PRKRA: variants seen among roughly 807,000 people sequenced by gnomAD.
The protein encoded by PRKRA is interferon-inducible double-stranded RNA-dependent protein kinase activator A.
PRKRA carries 22 observed loss-of-function variants against 32.4 expected under a neutral mutation model. That is an observed-to-expected ratio of 0.68 (90% CI 0.49 to 0.97). PRKRA has a LOEUF of 0.97. Among genes scored for constraint, PRKRA ranks in the 50% least tolerant of loss-of-function variants. PRKRA has a pLI of 0.00. For synonymous variants in PRKRA, 139 were observed against 129.8 expected (o/e 1.07, Z -0.48); for missense variants, 319 against 375.6 (o/e 0.85, Z 1.25).
At chr2:178,436,892 T>A (rs986499284) in intron 6 of PRKRA, among the ~76,000 whole-genome samples, 2 of 152,104 alleles carry the variant, frequency 1.3e-5, no homozygotes, top group Non-Finnish European at 2.9e-5. Context: ...CCCAACTGAG[T>A]ATTTTTTTCC....
intron 2 of PRKRA, among the ~76,000 whole-genome samples, chr2:178,448,779 T>C (rs1019621885): frequency 2.0e-5 from 3 of 152,068 alleles, no homozygotes; most frequent in African/African-American, 4.8e-5. Context: ...TAAACGCCAA[T>C]GGATAGAGTT....
At chr2:178,443,601 G>C (rs763803590) in intron 4 of PRKRA, 2 of 464,028 alleles carry the variant, frequency 4.3e-6, no homozygotes, top group South Asian at 2.1e-5. Context: ...TTTGTGCTAC[G>C]AATGGTGTTC....
intron 6 of PRKRA, among the ~76,000 whole-genome samples, chr2:178,437,030 T>TA (rs1045667447): frequency 3.9e-5 from 6 of 152,156 alleles, no homozygotes; most frequent in African/African-American, 1.4e-4. Context: ...ATGCCATTAA[T>TA]AAAAACAACT....
chr2:178,445,665 A>G (rs189059046), intron 3 of PRKRA: 12 of 154,600 alleles, frequency 7.8e-5, no homozygotes, highest in Admixed American at 3.3e-4. Context: ...CCTTCAGGCT[A>G]TACAGAAACA....
intron 7 of PRKRA, 87 bp from the exon 8 acceptor site, chr2:178,432,341 G>A: frequency 7.7e-7 from 1 of 1,294,038 alleles, no homozygotes; most frequent in Admixed American, 2.5e-5. Context: ...TCTTATTATT[G>A]TCTTTCTTTT....
chr2:178,444,282 C>T (rs1697231358), intron 4 of PRKRA, 140 bp downstream of exon 4: 7 of 724,124 alleles, frequency 9.7e-6, no homozygotes, highest in Non-Finnish European at 1.4e-5. Flanking sequence ...CAAGTTAGCT[C>T]TGTTAATCTA....
intron 7 of PRKRA, among the ~76,000 whole-genome samples, chr2:178,434,373 A>G (rs755204145): frequency 6.6e-6 from 1 of 151,076 alleles, no homozygotes; most frequent in Non-Finnish European, 1.5e-5. Context: ...GGCCTCCCAA[A>G]GTGCTGGGAT....
At chr2:178,437,203 C>T (rs1696935576) in intron 6 of PRKRA, among the ~76,000 whole-genome samples, 1 of 152,094 alleles carries the variant, frequency 6.6e-6, no homozygotes, top group South Asian at 2.1e-4. Flanking sequence ...CTTTAAAATA[C>T]TGTTTTTAAA....
intron 2 of PRKRA, among the ~76,000 whole-genome samples, chr2:178,448,605 T>C (rs1367366722): frequency 6.6e-6 from 1 of 150,638 alleles, no homozygotes. Context: ...AAAAAAAGAA[T>C]GAACACTGGT....
At chr2:178,450,539 G>C (rs919427982) in intron 1 of PRKRA, 128 bp from the exon 2 acceptor site, 5 of 1,567,648 alleles carry the variant, frequency 3.2e-6, no homozygotes, top group African/African-American at 1.4e-5. Flanking sequence ...GCCAGGGCCA[G>C]AGCTGGCGAG....
chr2:178,450,169 T>C, intron 2 of PRKRA, 73 bp downstream of exon 2: 1 of 1,307,140 alleles, frequency 7.7e-7, no homozygotes, highest in East Asian at 4.2e-5. Flanking sequence ...AGAGAACTTT[T>C]CCGAACTGAA....
At position 178,441,206 on chromosome 2, in the gene PRKRA, T is replaced by C. The variant is rs78032616; in HGVS notation, c.609+404A>G. Among the ~76,000 whole-genome samples the C allele has an allele frequency of 2.0e-3, 312 of 152,302 alleles. 1 individual carries two copies. Among genetic ancestry groups the C allele is most frequent in the African/African-American group, 7.2e-3 (300 of 41,554 alleles). On this transcript the variant is annotated intron_variant, in intron 6 of 7. Transcript: ENST00000325748. ...TCCTTTCAGTAGTCTATAAACTCCT[T>C]AGAGGCAGGGACTGCTTATTCACTG... is the stretch of plus-strand genomic sequence containing the variant.
At position 178,436,330 on chromosome 2, in the gene PRKRA, G is replaced by C. The variant is rs750073750; in HGVS notation, c.610-11C>G. ...TCCTACTACATTTGTCTGAAAAACA[G>C]AGATGAAGATTTAGACTCTTGACTA... On this transcript the variant is annotated splice_polypyrimidine_tract_variant and intron_variant, in intron 6 of 7. Coordinates refer to ENST00000325748, the MANE Select transcript of PRKRA (RefSeq NM_003690.5). 1.3e-6 allele frequency: 1 copy of C among 757,600 alleles called. No homozygotes were observed. The highest frequency in any genetic ancestry group is 1.9e-6 in the Non-Finnish European group (1 of 525,526). 46.9% of individuals were successfully genotyped at this position (757,600 alleles called of 1,614,324 possible). A position where few individuals can be genotyped will look rare whatever the true frequency, so the allele number is the denominator to read the frequency against.
At chr2:178,450,119 C>T (rs1342384457) in intron 2 of PRKRA, 123 bp downstream of exon 2, 34 of 1,255,278 alleles carry the variant, frequency 2.7e-5, no homozygotes, top group Non-Finnish European at 3.9e-5. Flanking sequence ...GATGAGAGGT[C>T]TCAGTTTCAG....
At chr2:178,450,105 CTGAGA>C in intron 2 of PRKRA, 132 bp downstream of exon 2, 3 of 1,108,592 alleles carry the variant, frequency 2.7e-6, no homozygotes, top group Non-Finnish European at 4.1e-6. Context: ...CCCTAACGAC[CTGAGA>C]TGAGAGGTCT....
chr2:178,450,948 G>T lies in PRKRA; in HGVS notation c.65+18C>A, dbSNP rs755605355. 7 of 1,556,576 alleles carry T rather than the reference G, an allele frequency of 4.5e-6. No homozygotes were observed. Among genetic ancestry groups the T allele is most frequent in the Admixed American group, 1.8e-5 (1 of 55,216 alleles). On this transcript the variant is annotated intron_variant, in intron 1 of 7. Coordinates refer to ENST00000325748, the MANE Select transcript of PRKRA (RefSeq NM_003690.5). ...CCAACGCTCCCGGCCCTGGGGCCCT[G>T]ACTGCCCGCACGCTGACCTGAAGGT...
intron 7 of PRKRA, chr2:178,434,083 T>C (rs1210667006): frequency 6.6e-6 from 1 of 152,200 alleles, no homozygotes; most frequent in Non-Finnish European, 1.5e-5. Context: ...TAAATATTTA[T>C]TGGATGAATG....
At chr2:178,439,480 T>C (rs575148961) in intron 6 of PRKRA, 1 of 152,348 alleles carries the variant, frequency 6.6e-6, no homozygotes, top group African/African-American at 2.4e-5. Flanking sequence ...TCAGTTACCT[T>C]GATGAATTCT....
Position 178,447,564 on chromosome 2 carries a change from C to T in PRKRA, c.258G>A (p.Leu86=). The T allele has an allele frequency of 1.2e-6, 2 of 1,614,156 alleles. No individual in the cohort carries two copies. Among genetic ancestry groups the T allele is most frequent in the Non-Finnish European group, 1.7e-6 (2 of 1,180,008 alleles). ...TCTGEGTSKK[L]AKHRAAEAAI... ...CAGCCTCTGCAGCTCTATGTTTCGC[C>T]AGCTTCTTACTTGTACCTTCACCTG... The change falls in exon 3 of 8, where the codon CTG becomes CTA. Residue 86 remains leucine (L), a synonymous_variant. Transcript: ENST00000325748.
Sources: allele counts gnomAD v4.1 joint callset (sites outside exome capture counted in the v4.1 genomes callset), GRCh38; gene constraint gnomAD v4.1.1; transcripts MANE v1.5; gene names NCBI Gene and HGNC (gene_info 2026-07-23, HGNC 2026-07-21).